The following CNTN4 variants were observed in gnomAD, a reference collection of about 807,000 sequenced individuals.
CNTN4 encodes the protein contactin 4.
Under a neutral mutation model 122.5 loss-of-function variants are expected in CNTN4, and 77 were observed. The observed-to-expected ratio is 0.63, with a 90% CI of 0.52 to 0.76. The LOEUF (loss-of-function observed/expected upper bound fraction) is 0.76, where lower values mean the gene tolerates loss of function less well. Among genes scored for constraint, CNTN4 ranks in the 30% least tolerant of loss-of-function variants. The pLI is 0.00. For missense variants in CNTN4, 1,256 were observed against 1,259.1 expected, an observed-to-expected ratio of 1.00 and a Z score of 0.04; for synonymous variants, 512 against 447.0, an observed-to-expected ratio of 1.15 and a Z score of -1.83.
At chr3:2,192,595 A>T (rs1036187912) in intron 2 of CNTN4, among the ~76,000 whole-genome samples, 1 of 145,176 alleles carries the variant, frequency 6.9e-6, no homozygotes, top group South Asian at 2.1e-4. Context: ...TACAAGAAAA[A>T]AACAAACAAC....
chr3:2,421,366 C>T (rs1389935849), intron 3 of CNTN4, among the ~76,000 whole-genome samples: 1 of 151,916 alleles, frequency 6.6e-6, no homozygotes, highest in African/African-American at 2.4e-5. Flanking sequence ...ATTTTCCTGC[C>T]TCAGCCTCCC....
intron 13 of CNTN4, among the ~76,000 whole-genome samples, chr3:2,930,726 G>A (rs1424721265): frequency 2.0e-4 from 31 of 152,150 alleles, no homozygotes; most frequent in Non-Finnish European, 1.2e-4. Flanking sequence ...ACTCTGTTTT[G>A]TGAATCTAGC....
intron 2 of CNTN4, among the ~76,000 whole-genome samples, chr3:2,187,059 A>C (rs918326161): frequency 1.3e-5 from 2 of 152,150 alleles, no homozygotes; most frequent in African/African-American, 4.8e-5. Context: ...TTATGGTTTT[A>C]GGTCTAACAT....
At chr3:3,006,056 T>C (rs1435675232) in intron 14 of CNTN4, among the ~76,000 whole-genome samples, 1 of 151,982 alleles carries the variant, frequency 6.6e-6, no homozygotes, top group African/African-American at 2.4e-5. Context: ...CGGCTAATTT[T>C]TTTTTGCATT....
chr3:2,335,005 C>G (rs534205865), intron 2 of CNTN4, among the ~76,000 whole-genome samples: 36 of 152,316 alleles, frequency 2.4e-4, no homozygotes, highest in South Asian at 6.2e-4. Flanking sequence ...ACCTTGCCAG[C>G]TGCTGCATCT....
intron 9 of CNTN4, among the ~76,000 whole-genome samples, chr3:2,884,840 C>G (rs1278670905): frequency 6.6e-6 from 1 of 152,130 alleles, no homozygotes; most frequent in African/African-American, 2.4e-5. Flanking sequence ...AAACAAAAAT[C>G]CCAAATTGGC....
chr3:2,803,251 A>G (rs1027922892), intron 6 of CNTN4, among the ~76,000 whole-genome samples: 1 of 152,230 alleles, frequency 6.6e-6, no homozygotes, highest in Non-Finnish European at 1.5e-5. Context: ...TTCAGACACC[A>G]GATTGACATA....
chr3:2,393,699 C>A (rs758632712), intron 3 of CNTN4, among the ~76,000 whole-genome samples: 20 of 152,050 alleles, frequency 1.3e-4, no homozygotes, highest in Non-Finnish European at 2.6e-4. Flanking sequence ...TCAAGTATTT[C>A]TGTCTTCATC....
chr3:2,868,335 C>G (rs138929761), intron 8 of CNTN4, among the ~76,000 whole-genome samples: 161 of 152,314 alleles, frequency 1.1e-3, no homozygotes, highest in African/African-American at 3.7e-3. Context: ...CCATGTCTTA[C>G]TGACTCCAGA....
intron 3 of CNTN4, among the ~76,000 whole-genome samples, chr3:2,491,015 G>A (rs190907351): frequency 2.6e-5 from 4 of 152,084 alleles, no homozygotes; most frequent in African/African-American, 4.8e-5. Flanking sequence ...GAAAGAATAG[G>A]GGGGAAAAAT....
chr3:2,120,392 T>TAAATAA (rs1559260896), intron 2 of CNTN4, among the ~76,000 whole-genome samples: 1 of 29,884 alleles, frequency 3.3e-5, no homozygotes, highest in South Asian at 1.1e-3. Flanking sequence ...TATATATATA[T>TAAATAA]ATATATATAT....
chr3:2,129,856 CA>C (rs1382425868), intron 2 of CNTN4, among the ~76,000 whole-genome samples: 3 of 151,808 alleles, frequency 2.0e-5, no homozygotes, highest in Non-Finnish European at 4.4e-5. Context: ...CTTTCAAACA[CA>C]CTTATATTGG....
chr3:2,790,417 A>T (rs2091972695), intron 6 of CNTN4, among the ~76,000 whole-genome samples: 1 of 152,166 alleles, frequency 6.6e-6, no homozygotes, highest in African/African-American at 2.4e-5. Context: ...ATTTTTTCTG[A>T]AAGATCTTCA....
At chr3:2,855,334 A>C (rs1156628082) in intron 7 of CNTN4, among the ~76,000 whole-genome samples, 2 of 152,154 alleles carry the variant, frequency 1.3e-5, no homozygotes, top group Non-Finnish European at 2.9e-5. Context: ...CCCAAATCTA[A>C]TTCCACTGAT....
chr3:2,622,260 CAT>C (rs1282710268), intron 4 of CNTN4, among the ~76,000 whole-genome samples: 2 of 152,156 alleles, frequency 1.3e-5, no homozygotes, highest in Non-Finnish European at 2.9e-5. Context: ...CAGCTGAAAA[CAT>C]AGTCTCCTTT....
chr3:2,239,185 T>A (rs532527254), intron 2 of CNTN4: 9 of 152,294 alleles, frequency 5.9e-5, no homozygotes, highest in African/African-American at 2.2e-4. Flanking sequence ...TTTTAGCAAT[T>A]TATATTTTGG....
chr3:3,054,143 C>G (rs1701550074), intron 24 of CNTN4, among the ~76,000 whole-genome samples, 168 bp downstream of exon 24: 1 of 152,144 alleles, frequency 6.6e-6, no homozygotes, highest in African/African-American at 2.4e-5. Flanking sequence ...CAGTTTCATG[C>G]AAAAATCAGT....
Position 2,571,422 on chromosome 3 carries a change from G to T in CNTN4, c.-82G>T, listed in dbSNP as rs1024486196. ...TGTCTCTTCTTTCCCACAGATTAAA[G>T]GTTATACAAAACTTAAAAGAAGCAG... On this transcript the variant is annotated 5_prime_UTR_variant, in exon 4 of 25. It adds an upstream start codon to the 5' untranslated region. Coordinates refer to ENST00000418658, the MANE Select transcript of CNTN4 (RefSeq NM_175607.3). 19 of 946,726 alleles carry T rather than the reference G, an allele frequency of 2.0e-5. No individual in the cohort carries two copies. In the Admixed American group the frequency reaches 3.3e-4, roughly 16 times the overall value. 58.6% of individuals were successfully genotyped at this position (946,726 alleles called of 1,614,324 possible).
chr3:2,171,370 T>C (rs978042780), intron 2 of CNTN4, among the ~76,000 whole-genome samples: 1 of 152,226 alleles, frequency 6.6e-6, no homozygotes, highest in African/African-American at 2.4e-5. Context: ...ATTTTTATAA[T>C]TCCACGTCTT....
Sources: allele counts gnomAD v4.1 joint callset (sites outside exome capture counted in the v4.1 genomes callset), GRCh38; gene constraint gnomAD v4.1.1; transcripts MANE v1.5; gene names NCBI Gene and HGNC (gene_info 2026-07-23, HGNC 2026-07-21).